The following ANO4 variants were observed in gnomAD, a reference collection of about 807,000 sequenced individuals.
The protein encoded by ANO4 is anoctamin 4, also known as anoctamin-4.
ANO4 carries 69 observed loss-of-function variants against 141.9 expected under a neutral mutation model. The ratio of observed to expected loss-of-function variants is 0.49; its 90% CI spans 0.40 to 0.59. ANO4 has a LOEUF of 0.59. Ranked by LOEUF, ANO4 falls within the 20% of genes least tolerant of loss-of-function variation. The probability of loss-of-function intolerance (pLI) is 0.00; values close to 1 mark genes in which losing one functional copy is unlikely to be tolerated. For synonymous variants in ANO4, 350 were observed against 394.3 expected (o/e 0.89, Z 1.33); for missense variants, 894 against 1,162.2 (o/e 0.77, Z 3.36).
At chr12:101,009,583 A>G (rs763851149) in intron 8 of ANO4, among the ~76,000 whole-genome samples, 3 of 152,150 alleles carry the variant, frequency 2.0e-5, no homozygotes, top group Non-Finnish European at 4.4e-5. Context: ...GAGAACTTCA[A>G]AAACATTCCA....
chr12:100,741,057 C>T (rs760788592), intron 3 of ANO4, among the ~76,000 whole-genome samples: 4 of 152,198 alleles, frequency 2.6e-5, no homozygotes, highest in Admixed American at 1.3e-4. Flanking sequence ...TAAAATTTAT[C>T]GCTTATATCA....
rs746572598 is a variant in ANO4, at chr12:101,020,057, C to T, written c.758C>T (p.Thr253Met). ...IHHFIIHNKE[T>M]FFNNATRSRI... ...AGCTTCATCATACACAACAAAGAAA[C>T]GTTCTTCAACAATGCCACAAGAAGT... is the stretch of plus-strand genomic sequence containing the variant. Residue 253 changes from threonine to methionine, a missense_variant, in exon 9 of 28, where the codon ACG (threonine) becomes ATG (methionine). By Grantham distance (81) the Thr-to-Met change is moderately conservative. Around this residue, in one of 2 missense-constraint regions of ANO4, gnomAD observed 637 missense variants for 909.2 expected, o/e 0.70. Coordinates refer to ENST00000392977, the MANE Select transcript of ANO4 (RefSeq NM_001286615.2). 17 of 1,612,816 alleles carry T rather than the reference C, an allele frequency of 1.1e-5. No individual in the cohort carries two copies. Among genetic ancestry groups the T allele is most frequent in the African/African-American group, 1.3e-5 (1 of 74,866 alleles).
chr12:100,736,512 A>C (rs1302328951), intron 2 of ANO4, among the ~76,000 whole-genome samples: 1 of 152,118 alleles, frequency 6.6e-6, no homozygotes, highest in South Asian at 2.1e-4. Flanking sequence ...GTTACCTGAC[A>C]TCTTGCAGAC....
intron 1 of ANO4, among the ~76,000 whole-genome samples, chr12:100,840,289 T>A (rs1271062662): frequency 1.3e-5 from 2 of 152,158 alleles, no homozygotes; most frequent in Non-Finnish European, 2.9e-5. Flanking sequence ...ACTACTAGAT[T>A]GGTTCTTGTA....
chr12:100,915,098 G>A (rs937529617), intron 2 of ANO4, among the ~76,000 whole-genome samples: 4 of 152,086 alleles, frequency 2.6e-5, no homozygotes, highest in African/African-American at 9.7e-5. Flanking sequence ...TGGGGTTACA[G>A]GTGTGAGCCA....
intron 2 of ANO4, among the ~76,000 whole-genome samples, chr12:100,917,448 T>C (rs949204174): frequency 6.6e-6 from 1 of 152,208 alleles, no homozygotes; most frequent in Non-Finnish European, 1.5e-5. Context: ...CTTAGGTTTT[T>C]AGAAATTATA....
At chr12:100,874,415 G>A (rs968403239) in intron 1 of ANO4, among the ~76,000 whole-genome samples, 6 of 152,252 alleles carry the variant, frequency 3.9e-5, no homozygotes, top group African/African-American at 1.4e-4. Flanking sequence ...TAGCCACAGG[G>A]GCAGAGCTGC....
intron 3 of ANO4, among the ~76,000 whole-genome samples, chr12:100,743,237 A>C (rs1202397331): frequency 1.3e-5 from 2 of 150,554 alleles, no homozygotes; most frequent in African/African-American, 2.4e-5. Context: ...TTTAATTAAT[A>C]TATTATTAAA....
At chr12:101,104,394 G>GT (rs2136983247) in intron 22 of ANO4, among the ~76,000 whole-genome samples, 1 of 150,986 alleles carries the variant, frequency 6.6e-6, no homozygotes, top group Admixed American at 6.6e-5. Flanking sequence ...TATCCCACAA[G>GT]TTTTTATATA....
intron 22 of ANO4, among the ~76,000 whole-genome samples, chr12:101,099,936 A>T (rs191777367): frequency 6.6e-6 from 1 of 152,344 alleles, no homozygotes; most frequent in East Asian, 1.9e-4. Flanking sequence ...CTTAGCACGT[A>T]TCTAAGACCA....
rs373921539 is a variant in ANO4 at position 101,116,847 on chromosome 12, C to T, written c.2570+49C>T. The T allele has an allele frequency of 2.4e-5, 38 of 1,612,162 alleles. No individual in the cohort carries two copies. In the African/African-American group the frequency reaches 2.4e-4, roughly 10 times the overall value. Reference sequence around the variant, plus strand: ...TCTGCCTGAGCTGGGCTGGCTCCACCGTGGGGAGGTTTTACTCTGAAGGCC... The same window carrying T: ...TCTGCCTGAGCTGGGCTGGCTCCACTGTGGGGAGGTTTTACTCTGAAGGCC... On this transcript the variant is annotated intron_variant, in intron 25 of 27. Coordinates refer to ENST00000392977, the MANE Select transcript of ANO4 (RefSeq NM_001286615.2).
At chr12:101,074,630 A>G (rs1426885859) in intron 14 of ANO4, among the ~76,000 whole-genome samples, 2 of 152,208 alleles carry the variant, frequency 1.3e-5, no homozygotes, top group Non-Finnish European at 2.9e-5. Flanking sequence ...CCATACAACC[A>G]AATAATGAGA....
chr12:101,040,090 C>A lies in ANO4; in HGVS notation c.1019+14C>A, dbSNP rs896255647. On this transcript the variant is annotated intron_variant, in intron 11 of 27. Coordinates refer to ENST00000392977, the MANE Select transcript of ANO4 (RefSeq NM_001286615.2). ...GGATCTTGTAAGGTGAGTTTTTAAT[C>A]AGCTGCAAATATAAAGCTTGCACAG... The A allele has an allele frequency of 8.8e-6, 14 of 1,598,228 alleles. No homozygotes were observed. Among genetic ancestry groups the A allele is most frequent in the Non-Finnish European group, 1.2e-5 (14 of 1,170,254 alleles).
At chr12:101,041,160 A>G (rs2047398227) in intron 11 of ANO4, among the ~76,000 whole-genome samples, 2 of 152,158 alleles carry the variant, frequency 1.3e-5, no homozygotes. Flanking sequence ...GACTAGCTAG[A>G]TGTGTTGTTT....
intron 1 of ANO4, among the ~76,000 whole-genome samples, chr12:100,809,398 A>AG: frequency 6.6e-6 from 1 of 151,910 alleles, no homozygotes; most frequent in East Asian, 1.9e-4. Flanking sequence ...AAAAAAAAAA[A>AG]AAGGGTAATG....
intron 9 of ANO4, among the ~76,000 whole-genome samples, chr12:101,032,220 G>A (rs1006885096): frequency 1.1e-4 from 17 of 152,104 alleles, no homozygotes; most frequent in Admixed American, 2.0e-4. Context: ...CATGATAATG[G>A]TACCAAAACA....
chr12:101,067,979 G>A (rs562631109), intron 14 of ANO4, among the ~76,000 whole-genome samples: 1 of 152,240 alleles, frequency 6.6e-6, no homozygotes, highest in East Asian at 1.9e-4. Flanking sequence ...CTAATCATTG[G>A]TGTTTAGCAT....
chr12:100,804,918 G>A (rs776027752), intron 1 of ANO4, among the ~76,000 whole-genome samples: 1 of 152,174 alleles, frequency 6.6e-6, no homozygotes. Context: ...TTGCTCTGAT[G>A]ATAGTTTATT....
chr12:100,931,038 A>G (rs1279952816), intron 3 of ANO4, among the ~76,000 whole-genome samples: 2 of 152,044 alleles, frequency 1.3e-5, no homozygotes, highest in African/African-American at 2.4e-5. Context: ...TAATTGCTTT[A>G]TTTATTTATT....
Sources: gnomAD v4.1 joint callset for allele counts (sites outside exome capture counted in the v4.1 genomes callset) on GRCh38, gnomAD v4.1.1 for gene constraint, gnomAD v4.1.1 regional missense constraint, MANE v1.5 for transcripts, NCBI Gene and HGNC (gene_info 2026-07-23, HGNC 2026-07-21) for gene names.